The following BRDT variants were observed in gnomAD, a reference collection of about 807,000 sequenced individuals.
BRDT encodes bromodomain testis associated, also known as bromodomain testis-specific protein.
BRDT carries 77 observed loss-of-function variants against 113.9 expected under a neutral mutation model. That is an observed-to-expected ratio of 0.68 (90% CI 0.56 to 0.82). BRDT has a LOEUF of 0.82. Ranked by LOEUF, BRDT falls within the 40% of genes least tolerant of loss-of-function variation. The pLI, the probability that BRDT is intolerant of heterozygous loss-of-function variation, is 0.00. For synonymous variants in BRDT, 358 were observed against 366.5 expected, an observed-to-expected ratio of 0.98 and a Z score of 0.26; for missense variants, 1,027 against 1,105.4, an observed-to-expected ratio of 0.93 and a Z score of 1.01.
chr1:91,997,947 G>C (rs1686490244), intron 15 of BRDT, among the ~76,000 whole-genome samples: 1 of 152,078 alleles, frequency 6.6e-6, no homozygotes, highest in African/African-American at 2.4e-5. Context: ...GCAATATGTT[G>C]AAGTTTTCTT....
intron 4 of BRDT, among the ~76,000 whole-genome samples, chr1:91,971,381 G>A (rs923620230): frequency 2.0e-5 from 3 of 152,172 alleles, no homozygotes; most frequent in Non-Finnish European, 4.4e-5. Context: ...CAAAGAATAG[G>A]TAGGATTTGG....
rs114276662 is a variant in BRDT, at chr1:91,979,622, G to A, written c.1152G>A (p.Met384Ile). ...SKIPIEPVES[M>I]PLCYIKTDIT... ...TCCCGATTGAACCTGTTGAGAGTAT[G>A]CCTTTATGTTACATCAAAACAGATA... The change falls in exon 8 of 19, where the codon ATG becomes ATA. Residue 384 changes from methionine (M) to isoleucine (I), a missense_variant. Coordinates refer to ENST00000399546, the MANE Select transcript of BRDT (RefSeq NM_207189.4). 8.9e-4 allele frequency: 1,442 copies of A among 1,613,710 alleles called. 8 individuals carry two copies. The African/African-American group carries it at 0.018, about 20-fold the overall frequency.
chr1:92,002,794 C>G (rs1686976545), intron 16 of BRDT, among the ~76,000 whole-genome samples: 1 of 152,096 alleles, frequency 6.6e-6, no homozygotes, highest in Non-Finnish European at 1.5e-5. Context: ...AAGGGATTTC[C>G]TAATGGAGTC....
At chr1:91,976,224 T>A (rs751349041) in intron 4 of BRDT, 42 bp from the exon 5 acceptor site, 28 of 1,514,532 alleles carry the variant, frequency 1.8e-5, no homozygotes, top group Non-Finnish European at 1.9e-5. Flanking sequence ...TATTTTGTAC[T>A]TTATTCATTC....
At chr1:92,011,892 T>C (rs188474855) in intron 18 of BRDT, among the ~76,000 whole-genome samples, 34 of 152,322 alleles carry the variant, frequency 2.2e-4, no homozygotes, top group Non-Finnish European at 8.8e-5. Flanking sequence ...AACGTTTACC[T>C]CATGCCAGTT....
At chr1:91,995,846 C>G (rs1311033344) in intron 15 of BRDT, among the ~76,000 whole-genome samples, 1 of 152,078 alleles carries the variant, frequency 6.6e-6, no homozygotes, top group Non-Finnish European at 1.5e-5. Flanking sequence ...CCATGTTGGT[C>G]AGGCTGGTCT....
intron 3 of BRDT, among the ~76,000 whole-genome samples, chr1:91,965,577 C>G (rs959376235): frequency 6.6e-6 from 1 of 152,104 alleles, no homozygotes; most frequent in Non-Finnish European, 1.5e-5. Flanking sequence ...TGGCCGGGCA[C>G]GGTGGCTCAC....
intron 1 of BRDT, among the ~76,000 whole-genome samples, chr1:91,960,833 C>T (rs1570441888): frequency 6.6e-6 from 1 of 152,222 alleles, no homozygotes; most frequent in East Asian, 1.9e-4. Context: ...TTTCATTTTG[C>T]TTATGTACTT....
chr1:91,961,605 G>A (rs1682450937), intron 1 of BRDT, among the ~76,000 whole-genome samples: 3 of 151,578 alleles, frequency 2.0e-5, no homozygotes, highest in African/African-American at 7.3e-5. Flanking sequence ...CTCCAGCCTG[G>A]GCAACAGAAT....
At chr1:91,982,344 T>G (rs1316066086) in intron 12 of BRDT, among the ~76,000 whole-genome samples, 2 of 152,210 alleles carry the variant, frequency 1.3e-5, no homozygotes, top group Non-Finnish European at 2.9e-5. Context: ...CATATTATCT[T>G]GTATAGTTTA....
chr1:91,968,511 G>T (rs1037098594), intron 4 of BRDT, among the ~76,000 whole-genome samples: 9 of 152,190 alleles, frequency 5.9e-5, no homozygotes, highest in Non-Finnish European at 1.0e-4. Context: ...CGTTCACATA[G>T]TAGGGATTCA....
chr1:91,979,716 G>C lies in BRDT; in HGVS notation c.1246G>C (p.Glu416Gln), dbSNP rs1684538011. Residue 416 changes from glutamate (E) to glutamine (Q), a missense_variant, in exon 8 of 19, where the codon GAA becomes CAA. Glu to Gln is a conservative substitution (Grantham distance 29). Transcript: ENST00000399546. ...TGAAGGGAACTCTTCTGATGATTCT[G>C]AAGATGAGCGAGTTAAGCGTCTTGC... ...SSEGNSSDDS[E>Q]DERVKRLAKL... is the part of the protein sequence containing the mutation. 7 of 1,611,982 alleles carry C rather than the reference G, an allele frequency of 4.3e-6. 1 individual carries two copies. The South Asian group carries it at 7.7e-5, about 18-fold the overall frequency.
At chr1:91,969,823 G>GTGTTTT (rs1360208667) in intron 4 of BRDT, among the ~76,000 whole-genome samples, 2 of 71,732 alleles carry the variant, frequency 2.8e-5, no homozygotes, top group African/African-American at 9.9e-5. Context: ...GTGTGTGTGT[G>GTGTTTT]TTTTTTTTTT....
chr1:91,967,288 G>A (rs1025669993), intron 3 of BRDT, among the ~76,000 whole-genome samples: 5 of 151,752 alleles, frequency 3.3e-5, no homozygotes, highest in Non-Finnish European at 7.4e-5. Flanking sequence ...CCAGGCTGGA[G>A]TGCAATGGTG....
chr1:91,981,827 G>A, intron 12 of BRDT, 72 bp downstream of exon 12: 1 of 1,454,892 alleles, frequency 6.9e-7, no homozygotes, highest in East Asian at 2.5e-5. Flanking sequence ...TTTATATTTT[G>A]AAGAAATATT....
chr1:91,961,074 G>A (rs894833404), intron 1 of BRDT, among the ~76,000 whole-genome samples: 12 of 152,222 alleles, frequency 7.9e-5, no homozygotes, highest in African/African-American at 2.2e-4. Flanking sequence ...ACTTTGGGAG[G>A]TCGAGGAGGG....
intron 1 of BRDT, among the ~76,000 whole-genome samples, chr1:91,953,640 A>G (rs1681381686): frequency 6.6e-6 from 1 of 152,204 alleles, no homozygotes; most frequent in African/African-American, 2.4e-5. Context: ...AGTTCATGCC[A>G]CTGCATTCCA....
Position 91,981,693 on chromosome 1 carries a change from C to A in BRDT, c.1940C>A (p.Ser647Ter), listed in dbSNP as rs961016332. The A allele has an allele frequency of 6.2e-7, 1 of 1,614,114 alleles. No homozygotes were observed. The highest frequency in any genetic ancestry group is 8.5e-7 in the Non-Finnish European group (1 of 1,180,004). The change falls in exon 12 of 19, where the codon TCA becomes TAA. Residue 647 changes from serine to a stop codon, truncating the protein, a stop_gained. Transcript: ENST00000399546. LOFTEE classifies it high-confidence loss of function. ...LSESSSSSSS[S>*]SESESSSSDL... ...GAGAGCAGCAGCAGCAGCAGCAGCTCATCAGAGTCTGAAAGTAGCAGCAGT... is the reference window on the plus strand; with the variant it reads ...GAGAGCAGCAGCAGCAGCAGCAGCTAATCAGAGTCTGAAAGTAGCAGCAGT...
At chr1:91,982,801 G>A (rs1684839647) in intron 12 of BRDT, among the ~76,000 whole-genome samples, 1 of 151,928 alleles carries the variant, frequency 6.6e-6, no homozygotes, top group Non-Finnish European at 1.5e-5. Context: ...TTTTTACTTT[G>A]GGATTTGTCA....
Sources: allele counts gnomAD v4.1 joint callset (sites outside exome capture counted in the v4.1 genomes callset), GRCh38; gene constraint gnomAD v4.1.1; transcripts MANE v1.5; gene names NCBI Gene and HGNC (gene_info 2026-07-23, HGNC 2026-07-21).